ASTN1: variants seen among roughly 807,000 people sequenced by gnomAD.
ASTN1 encodes astrotactin-1.
ASTN1 carries 41 observed loss-of-function variants against 140.7 expected under a neutral mutation model. That is an observed-to-expected ratio of 0.29 (90% CI 0.23 to 0.38). The LOEUF (loss-of-function observed/expected upper bound fraction) is 0.38. Ranked by LOEUF, ASTN1 falls within the 10% of genes least tolerant of loss-of-function variation. The pLI is 1.00. For synonymous variants in ASTN1, 640 were observed against 652.2 expected, an observed-to-expected ratio of 0.98 and a Z score of 0.29; for missense variants, 1,479 against 1,678.8, an observed-to-expected ratio of 0.88 and a Z score of 2.08.
chr1:176,871,344 T>C (rs1218043823), intron 21 of ASTN1, among the ~76,000 whole-genome samples: 2 of 152,098 alleles, frequency 1.3e-5, no homozygotes, highest in Admixed American at 6.5e-5. Context: ...AGAGCTGAGA[T>C]AGGCAGATCT....
chr1:176,946,109 T>C lies in ASTN1; in HGVS notation c.2066A>G (p.Asp689Gly). Residue 689 changes from aspartate to glycine, a missense_variant, in exon 13 of 23, where the codon GAC (aspartate) becomes GGC (glycine). Coordinates refer to ENST00000361833, the MANE Select transcript of ASTN1 (RefSeq NM_004319.3). ...NILMFCGCIE[D>G]YKLGVDGRSC... ...GCGTCCATCCACACCAAGCTTGTAG[T>C]CCTCGATGCACCTAGCACAGAGGAG... 1.9e-6 allele frequency: 3 copies of C among 1,610,644 alleles called. No individual in the cohort carries two copies. The highest frequency in any genetic ancestry group is 2.5e-6 in the Non-Finnish European group (3 of 1,177,598).
At chr1:176,943,212 G>A (rs1671815062) in intron 14 of ASTN1, among the ~76,000 whole-genome samples, 1 of 152,006 alleles carries the variant, frequency 6.6e-6, no homozygotes, top group Non-Finnish European at 1.5e-5. Context: ...TGGTCCGGGA[G>A]GTGCCAGCTG....
At chr1:177,031,534 T>C (rs1243994661) in intron 3 of ASTN1, among the ~76,000 whole-genome samples, 1 of 152,222 alleles carries the variant, frequency 6.6e-6, no homozygotes, top group Non-Finnish European at 1.5e-5. Context: ...ATGTCCCCCA[T>C]ATTCTCAAGG....
intron 1 of ASTN1, among the ~76,000 whole-genome samples, chr1:177,151,691 T>C (rs1424942786): frequency 4.6e-5 from 7 of 152,176 alleles, no homozygotes; most frequent in African/African-American, 1.7e-4. Context: ...GAACTCTTTA[T>C]TCCAGAAAAG....
At chr1:176,947,903 A>G (rs2103114036) in intron 12 of ASTN1, among the ~76,000 whole-genome samples, 1 of 152,320 alleles carries the variant, frequency 6.6e-6, no homozygotes, top group Middle Eastern at 3.4e-3. Context: ...TTAAATAAAT[A>G]CATTTATATA....
At chr1:177,159,248 C>A (rs1329855322) in intron 1 of ASTN1, among the ~76,000 whole-genome samples, 1 of 151,738 alleles carries the variant, frequency 6.6e-6, no homozygotes, top group Non-Finnish European at 1.5e-5. Context: ...AAATAATAAC[C>A]CTCTCAATAC....
At position 176,928,254 on chromosome 1, in the gene ASTN1, G is replaced by C. The variant is rs779780311; in HGVS notation, c.2671+5898C>G. Among the ~76,000 whole-genome samples the C allele has an allele frequency of 4.1e-4, 63 of 152,282 alleles. 1 individual carries two copies. The highest frequency in any genetic ancestry group is 6.0e-4 in the Non-Finnish European group (41 of 68,022). ...GATAGACAATAAACTGGTAGCAGTGGTTGCCTGATTGCCTCTAGGGAGTGG... is the reference window on the plus strand; with the variant it reads ...GATAGACAATAAACTGGTAGCAGTGCTTGCCTGATTGCCTCTAGGGAGTGG... On this transcript the variant is annotated intron_variant, in intron 16 of 22. Coordinates refer to ENST00000361833, the MANE Select transcript of ASTN1 (RefSeq NM_004319.3).
intron 1 of ASTN1, among the ~76,000 whole-genome samples, chr1:177,116,211 G>A (rs1681083817): frequency 6.6e-6 from 1 of 152,126 alleles, no homozygotes; most frequent in Non-Finnish European, 1.5e-5. Flanking sequence ...TGACCACACA[G>A]CATTTACAGA....
intron 1 of ASTN1, among the ~76,000 whole-genome samples, chr1:177,155,065 C>A (rs1683184339): frequency 1.3e-5 from 2 of 152,026 alleles, no homozygotes; most frequent in African/African-American, 4.8e-5. Flanking sequence ...GAAAAGATGT[C>A]AATAAATCTT....
At chr1:177,162,385 A>C (rs893452117) in intron 1 of ASTN1, among the ~76,000 whole-genome samples, 4 of 152,196 alleles carry the variant, frequency 2.6e-5, no homozygotes, top group Non-Finnish European at 4.4e-5. Context: ...TAAATAGTGC[A>C]TCTGGCCCTG....
At chr1:176,955,882 A>T (rs990611147) in intron 11 of ASTN1, among the ~76,000 whole-genome samples, 3 of 152,254 alleles carry the variant, frequency 2.0e-5, no homozygotes, top group Non-Finnish European at 4.4e-5. Flanking sequence ...GGAGGTGCAC[A>T]TATGAACACA....
At chr1:176,890,084 G>A (rs552910018) in intron 17 of ASTN1, among the ~76,000 whole-genome samples, 24 of 152,316 alleles carry the variant, frequency 1.6e-4, no homozygotes, top group Admixed American at 5.9e-4. Context: ...CATTTTCTAC[G>A]TGAAGCATTA....
At chr1:177,035,362 A>G (rs189564033) in intron 2 of ASTN1, among the ~76,000 whole-genome samples, 15 of 152,310 alleles carry the variant, frequency 9.8e-5, no homozygotes, top group Non-Finnish European at 1.9e-4. Context: ...AGTATGGATG[A>G]ATACATCCAG....
Position 176,891,750 on chromosome 1 carries a change from G to C in ASTN1, c.2940+2812C>G, listed in dbSNP as rs1425164246. Reference sequence around the variant, plus strand: ...GGAGGTTGCAGTGAGCCAAGAACATGCCATTGCACTCCAGCCTGGGCAACA... The same window carrying C: ...GGAGGTTGCAGTGAGCCAAGAACATCCCATTGCACTCCAGCCTGGGCAACA... On this transcript the variant is annotated intron_variant, in intron 17 of 22. Coordinates refer to ENST00000361833, the MANE Select transcript of ASTN1 (RefSeq NM_004319.3). Among the ~76,000 whole-genome samples the C allele has an allele frequency of 3.3e-5, 5 of 152,184 alleles. No individual in the cohort carries two copies. The South Asian group carries it at 6.2e-4, about 19-fold the overall frequency.
At chr1:176,978,420 G>A (rs1487459795) in intron 8 of ASTN1, among the ~76,000 whole-genome samples, 5 of 152,286 alleles carry the variant, frequency 3.3e-5, no homozygotes, top group African/African-American at 4.8e-5. Context: ...GGTAAAATGA[G>A]TACTTAGGAT....
At position 176,934,303 on chromosome 1, in the gene ASTN1, T is replaced by C. The variant is rs777104304; in HGVS notation, c.2520A>G (p.Thr840=). ...ACAGCGCCACAAAATCTGCACGAGA[T>C]GTAGCCCCATCCAGCGAGTGGAGAG... The part of the protein sequence containing the change: ...SNALHSLDGA[T]SRADFVALLD... The change falls in exon 16 of 23, where the codon ACA becomes ACG. Residue 840 remains threonine, a synonymous_variant. Coordinates refer to ENST00000361833, the MANE Select transcript of ASTN1 (RefSeq NM_004319.3). 3 of 1,613,780 alleles carry C rather than the reference T, an allele frequency of 1.9e-6. No homozygotes were observed. Among genetic ancestry groups the C allele is most frequent in the Admixed American group, 3.3e-5 (2 of 60,002 alleles).
intron 20 of ASTN1, among the ~76,000 whole-genome samples, chr1:176,877,866 A>G (rs1668627199): frequency 6.6e-6 from 1 of 152,192 alleles, no homozygotes; most frequent in Non-Finnish European, 1.5e-5. Context: ...TGGTCCAGTT[A>G]AATGTCAGCT....
intron 1 of ASTN1, among the ~76,000 whole-genome samples, chr1:177,146,878 A>G (rs1042558753): frequency 6.6e-6 from 1 of 152,184 alleles, no homozygotes; most frequent in African/African-American, 2.4e-5. Flanking sequence ...TCAGCCTGCA[A>G]CTCAAACAAT....
At chr1:177,101,863 G>T (rs1680316567) in intron 1 of ASTN1, among the ~76,000 whole-genome samples, 1 of 152,120 alleles carries the variant, frequency 6.6e-6, no homozygotes, top group African/African-American at 2.4e-5. Flanking sequence ...TATGAAACTG[G>T]TTACAAGCCT....
Sources: allele counts gnomAD v4.1 joint callset (sites outside exome capture counted in the v4.1 genomes callset), GRCh38; gene constraint gnomAD v4.1.1; transcripts MANE v1.5; gene names NCBI Gene and HGNC (gene_info 2026-07-23, HGNC 2026-07-21).